The following ELMO1 variants were observed in gnomAD, a reference collection of about 807,000 sequenced individuals.
ELMO1 encodes engulfment and cell motility 1, also known as engulfment and cell motility protein 1.
A neutral mutation model predicts 98.9 loss-of-function variants in ELMO1; 26 were observed. The observed-to-expected ratio is 0.26, with a 90% CI of 0.19 to 0.36. The LOEUF is 0.36. ELMO1 is among the 10% of genes least tolerant of loss of function. ELMO1 has a pLI of 1.00. For missense variants in ELMO1, 627 were observed against 935.2 expected (o/e 0.67, Z 4.30); for synonymous variants, 346 against 346.0 (o/e 1.00, Z 0.00).
intron 20 of ELMO1, among the ~76,000 whole-genome samples, chr7:36,866,962 T>C (rs1803078584): frequency 6.6e-6 from 1 of 152,166 alleles, no homozygotes; most frequent in Non-Finnish European, 1.5e-5. Flanking sequence ...GATGTTTTGC[T>C]TGATGACATG....
At chr7:37,436,028 G>T (rs1304948458) in intron 1 of ELMO1, among the ~76,000 whole-genome samples, 1 of 152,114 alleles carries the variant, frequency 6.6e-6, no homozygotes, top group Admixed American at 6.5e-5. Flanking sequence ...CAGAAAAGAG[G>T]GTATGGTTTT....
intron 1 of ELMO1, among the ~76,000 whole-genome samples, chr7:37,362,624 T>TCC (rs917111468): frequency 3.3e-5 from 5 of 152,092 alleles, no homozygotes; most frequent in African/African-American, 1.2e-4. Context: ...CTTCCCTCCC[T>TCC]CCCTCAAATA....
intron 16 of ELMO1, among the ~76,000 whole-genome samples, chr7:36,951,492 C>T (rs116036870): frequency 2.8e-4 from 42 of 152,338 alleles, no homozygotes; most frequent in African/African-American, 9.9e-4. Flanking sequence ...TAGCCTTAAT[C>T]AGTGGTTCTC....
chr7:37,052,844 C>A lies in ELMO1; in HGVS notation c.1301-39409G>T, dbSNP rs1209924075. The stretch of plus-strand genomic sequence containing the variant: ...CCTGGGAGGAAGCCCAAAGGCCCAG[C>A]CTCCGTTCAGCACCAAGGAGAGCAC... On this transcript the variant is annotated intron_variant, in intron 15 of 21. Transcript: ENST00000310758. Among the ~76,000 whole-genome samples, 6 of 152,300 alleles carry A rather than the reference C, an allele frequency of 3.9e-5. No homozygotes were observed. In the South Asian group the frequency reaches 1.0e-3, roughly 26 times the overall value.
At chr7:37,298,577 G>C (rs1334843449) in intron 4 of ELMO1, among the ~76,000 whole-genome samples, 1 of 147,228 alleles carries the variant, frequency 6.8e-6, no homozygotes, top group Non-Finnish European at 1.5e-5. Context: ...TCTTGCGATA[G>C]TTTACAGAGA....
At chr7:36,994,126 T>C (rs1792045753) in intron 16 of ELMO1, among the ~76,000 whole-genome samples, 1 of 152,210 alleles carries the variant, frequency 6.6e-6, no homozygotes, top group Non-Finnish European at 1.5e-5. Flanking sequence ...CCTTCAAGTC[T>C]TGGGAACCCA....
intron 1 of ELMO1, among the ~76,000 whole-genome samples, chr7:37,442,204 G>A (rs568764969): frequency 5.9e-5 from 9 of 152,248 alleles, no homozygotes; most frequent in East Asian, 1.9e-4. Flanking sequence ...TATCCAGCCC[G>A]AAATGTCAAT....
chr7:37,250,824 CA>C (rs1307155984), intron 6 of ELMO1, among the ~76,000 whole-genome samples: 3 of 151,256 alleles, frequency 2.0e-5, no homozygotes, highest in African/African-American at 7.3e-5. Context: ...AGAAACTTTC[CA>C]AGTTCATCAT....
At chr7:37,288,055 G>A (rs1332399600) in intron 4 of ELMO1, among the ~76,000 whole-genome samples, 3 of 152,130 alleles carry the variant, frequency 2.0e-5, no homozygotes, top group Non-Finnish European at 4.4e-5. Context: ...CTGCCTCCCA[G>A]GTCAAGCAAT....
At position 37,398,593 on chromosome 7, in the gene ELMO1, G is replaced by A. The variant is rs548721333; in HGVS notation, c.-74+50082C>T. Among the ~76,000 whole-genome samples the A allele has an allele frequency of 5.9e-5, 9 of 152,306 alleles. No homozygotes were observed. In the South Asian group the frequency reaches 1.5e-3, roughly 25 times the overall value. On this transcript the variant is annotated intron_variant, in intron 1 of 21. Transcript: ENST00000310758. ...AACCTTTCTATGCAAGGAAACTAAC[G>A]GGCTGAAGTTTCCTTCCCTAGGGAA...
intron 14 of ELMO1, among the ~76,000 whole-genome samples, chr7:37,125,285 T>C (rs1434019467): frequency 6.6e-6 from 1 of 151,984 alleles, no homozygotes; most frequent in South Asian, 2.1e-4. Flanking sequence ...AATTGACAAA[T>C]GGGATGTAAT....
intron 16 of ELMO1, chr7:36,985,197 C>A: frequency 1.2e-6 from 1 of 818,116 alleles, no homozygotes; most frequent in Non-Finnish European, 1.5e-6. Flanking sequence ...GGCAGAGAGC[C>A]AATCCTTGAA....
intron 16 of ELMO1, among the ~76,000 whole-genome samples, chr7:36,988,196 C>G (rs1791643280): frequency 6.6e-6 from 1 of 152,224 alleles, no homozygotes; most frequent in Non-Finnish European, 1.5e-5. Context: ...CAATCTTTCT[C>G]AGCTCTGCCC....
intron 1 of ELMO1, among the ~76,000 whole-genome samples, chr7:37,411,813 C>G (rs763265928): frequency 3.9e-5 from 6 of 152,208 alleles, no homozygotes; most frequent in Non-Finnish European, 7.3e-5. Flanking sequence ...AACTCTGCCT[C>G]CCACTCCAGC....
chr7:37,430,186 C>T (rs915790595), intron 1 of ELMO1, among the ~76,000 whole-genome samples: 1 of 152,188 alleles, frequency 6.6e-6, no homozygotes, highest in African/African-American at 2.4e-5. Context: ...AGAGCTCCAC[C>T]AGGAACATCA....
chr7:37,211,627 A>G, intron 12 of ELMO1, 110 bp from the exon 13 acceptor site: 2 of 1,389,012 alleles, frequency 1.4e-6, no homozygotes, highest in South Asian at 1.4e-5. Context: ...CACTGCATTC[A>G]GGCAAAAGAA....
chr7:37,271,808 A>G (rs1268803195), intron 5 of ELMO1, 24 bp downstream of exon 5: 2 of 1,612,134 alleles, frequency 1.2e-6, no homozygotes, highest in Admixed American at 3.3e-5. Flanking sequence ...GTTTGCTGGA[A>G]GTCAGAAGCT....
chr7:37,256,992 T>C (rs1406390735), intron 6 of ELMO1, among the ~76,000 whole-genome samples: 1 of 152,230 alleles, frequency 6.6e-6, no homozygotes. Context: ...CATATTCATA[T>C]GCAATTAATT....
intron 1 of ELMO1, among the ~76,000 whole-genome samples, chr7:37,371,250 T>C (rs73116751): frequency 0.014 from 2,141 of 152,296 alleles, 22 homozygotes; most frequent in Non-Finnish European, 0.023. Flanking sequence ...AGATTACTAA[T>C]AAAATATTCA....
Sources: allele counts gnomAD v4.1 joint callset (sites outside exome capture counted in the v4.1 genomes callset), GRCh38; gene constraint gnomAD v4.1.1; transcripts MANE v1.5; gene names NCBI Gene and HGNC (gene_info 2026-07-23, HGNC 2026-07-21).